Variants in SLC14A2 observed in about 807,000 individuals in gnomAD.
SLC14A2 encodes solute carrier family 14 member 2.
A neutral mutation model predicts 104.6 loss-of-function variants in SLC14A2; 91 were observed. The observed-to-expected ratio is 0.87, with a 90% CI of 0.73 to 1.04. SLC14A2 has a LOEUF of 1.04. SLC14A2 is among the 50% of genes least tolerant of loss of function. SLC14A2 has a pLI of 0.00. For missense variants in SLC14A2, 1,189 were observed against 1,156.0 expected (o/e 1.03, Z -0.41); for synonymous variants, 476 against 466.4 (o/e 1.02, Z -0.27).
chr18:45,170,571 T>C, the SLC14A2 span, among the ~76,000 whole-genome samples: 12 of 152,120 alleles, frequency 7.9e-5, no homozygotes, highest in Non-Finnish European at 1.5e-4. Flanking sequence ...AGACAGAAAT[T>C]GTAGGTTAAA....
At chr18:45,443,596 G>C (rs181568391) in intron 1 of SLC14A2, among the ~76,000 whole-genome samples, 2 of 152,170 alleles carry the variant, frequency 1.3e-5, no homozygotes, top group Admixed American at 6.5e-5. Context: ...AAGAGTTAGA[G>C]TAATCTTTGT....
At chr18:45,373,582 TAG>T (rs1187847222) in intron 1 of SLC14A2, among the ~76,000 whole-genome samples, 5 of 152,176 alleles carry the variant, frequency 3.3e-5, no homozygotes, top group Non-Finnish European at 7.3e-5. Context: ...CAGAGTCTAA[TAG>T]GGGACAACTG....
chr18:45,536,670 T>G (rs8092415), intron 2 of SLC14A2, among the ~76,000 whole-genome samples: 28,443 of 152,064 alleles, frequency 0.19, 3,670 homozygotes, highest in African/African-American at 0.35. Flanking sequence ...TCTCAGGTAT[T>G]GGGGGTTGGG....
At chr18:45,531,938 C>A (rs1204634171) in intron 2 of SLC14A2, among the ~76,000 whole-genome samples, 1 of 152,156 alleles carries the variant, frequency 6.6e-6, no homozygotes, top group Non-Finnish European at 1.5e-5. Flanking sequence ...GTTTTCCCAG[C>A]ACCATTTATT....
At chr18:45,328,459 A>T (rs1850067662) in intron 1 of SLC14A2, among the ~76,000 whole-genome samples, 1 of 152,206 alleles carries the variant, frequency 6.6e-6, no homozygotes, top group Non-Finnish European at 1.5e-5. Flanking sequence ...CACTGAGGTT[A>T]TGCCCTGAGA....
intron 1 of SLC14A2, among the ~76,000 whole-genome samples, chr18:45,386,686 G>T (rs1390723108): frequency 6.6e-6 from 1 of 152,214 alleles, no homozygotes; most frequent in Non-Finnish European, 1.5e-5. Context: ...AGAACATCAT[G>T]GTTGAGAGCA....
chr18:45,678,545 T>C (rs1032384570), intron 18 of SLC14A2, among the ~76,000 whole-genome samples: 2 of 152,234 alleles, frequency 1.3e-5, no homozygotes, highest in East Asian at 3.8e-4. Context: ...GCATGTCTAG[T>C]CTTCCTCAAG....
At chr18:45,546,587 A>G (rs1176349792) in intron 2 of SLC14A2, among the ~76,000 whole-genome samples, 1 of 152,240 alleles carries the variant, frequency 6.6e-6, no homozygotes, top group African/African-American at 2.4e-5. Context: ...TCTTTCACAA[A>G]AAGTGTATCT....
intron 2 of SLC14A2, among the ~76,000 whole-genome samples, chr18:45,488,659 A>G (rs2087660196): frequency 6.6e-6 from 1 of 152,200 alleles, no homozygotes; most frequent in Admixed American, 6.5e-5. Context: ...GGAAATGAAG[A>G]TGCTCTGGTC....
intron 1 of SLC14A2, among the ~76,000 whole-genome samples, chr18:45,374,469 G>T (rs1170909002): frequency 1.3e-5 from 2 of 152,092 alleles, no homozygotes; most frequent in East Asian, 3.9e-4. Flanking sequence ...CTGTCTTCCT[G>T]GGGTTCCAGT....
chr18:45,293,866 G>GT (rs1164647615), intron 1 of SLC14A2, among the ~76,000 whole-genome samples: 1 of 152,150 alleles, frequency 6.6e-6, no homozygotes, highest in Admixed American at 6.5e-5. Flanking sequence ...AGTATGCCAT[G>GT]TTTCATATTA....
intron 1 of SLC14A2, among the ~76,000 whole-genome samples, chr18:45,300,289 C>T (rs2084955786): frequency 6.6e-6 from 1 of 152,140 alleles, no homozygotes; most frequent in African/African-American, 2.4e-5. Flanking sequence ...GAGTTAGGGA[C>T]TGCTGTATCT....
chr18:45,632,535 T>C (rs1195096825), intron 5 of SLC14A2, 57 bp downstream of exon 5: 3 of 1,588,208 alleles, frequency 1.9e-6, no homozygotes, highest in Non-Finnish European at 2.6e-6. Flanking sequence ...GACACTTGTG[T>C]CTTATACTGG....
the SLC14A2 span, among the ~76,000 whole-genome samples, chr18:45,169,670 C>T: frequency 6.6e-6 from 1 of 152,328 alleles, no homozygotes; most frequent in Middle Eastern, 3.4e-3. Flanking sequence ...TAATCTGTAA[C>T]CCTGGAATCA....
Position 45,359,802 on chromosome 18 carries a change from G to T in SLC14A2, c.-124-123431G>T, listed in dbSNP as rs16978349. 3.0e-3 allele frequency among the ~76,000 whole-genome samples: 457 copies of T among 152,278 alleles called. 5 individuals carry two copies. The highest frequency in any genetic ancestry group is 0.011 in the African/African-American group (439 of 41,552). On this transcript the variant is annotated intron_variant, in intron 1 of 20. Transcript: ENST00000586448. ...GGGCAGGGTGTCCTGGCATGGCACG[G>T]GTCTGCTGCCCAGCCACCGGCAAGG... is the stretch of plus-strand genomic sequence containing the variant.
In SLC14A2 at chr18:45,523,268, C is replaced by T. The variant is rs551064025; in HGVS notation, c.-35+39946C>T. 4.4e-4 allele frequency among the ~76,000 whole-genome samples: 67 copies of T among 152,180 alleles called. No individual in the cohort carries two copies. In the South Asian group the frequency reaches 0.013, roughly 30 times the overall value. On this transcript the variant is annotated intron_variant, in intron 2 of 20. Transcript: ENST00000586448. ...CACCTTGAGATGTGGATAAGTATCA[C>T]AAAGACAGGTCGCCCAGGGCAGGAG...
At position 45,643,900 on chromosome 18, in the gene SLC14A2, G is replaced by A. The variant is rs541738792; in HGVS notation, c.1177-86G>A. 85 of 1,168,872 alleles carry A rather than the reference G, an allele frequency of 7.3e-5. 1 individual carries two copies. In the South Asian group the frequency reaches 9.7e-4, roughly 13 times the overall value. 72.4% of individuals were successfully genotyped at this position (1,168,872 alleles called of 1,614,324 possible). A position where few individuals can be genotyped will look rare whatever the true frequency, so the allele number is the denominator to read the frequency against. ...TGGAGGGAGGATCTCCATCCTCAAC[G>A]CCTGTCACATCCTTCTCCCCCAGAG... On this transcript the variant is annotated intron_variant, in intron 9 of 19. Transcript: ENST00000255226.
At chr18:45,433,257 T>C (rs1407571369) in intron 1 of SLC14A2, among the ~76,000 whole-genome samples, 1 of 152,224 alleles carries the variant, frequency 6.6e-6, no homozygotes, top group Admixed American at 6.5e-5. Context: ...AACATGCTGT[T>C]GTGAAGGTTA....
intron 2 of SLC14A2, among the ~76,000 whole-genome samples, chr18:45,498,406 C>T (rs1313038550): frequency 6.6e-6 from 1 of 152,190 alleles, no homozygotes; most frequent in Non-Finnish European, 1.5e-5. Flanking sequence ...GGAAGGGCAG[C>T]GAGAAGCTGC....
Sources: gnomAD v4.1 joint callset for allele counts (sites outside exome capture counted in the v4.1 genomes callset) on GRCh38, gnomAD v4.1.1 for gene constraint, MANE v1.5 for transcripts, NCBI Gene and HGNC (gene_info 2026-07-23, HGNC 2026-07-21) for gene names.